PLXDC2: variants seen among roughly 807,000 people sequenced by gnomAD.
PLXDC2 encodes the protein plexin domain-containing protein 2.
PLXDC2 carries 40 observed loss-of-function variants against 68.9 expected under a neutral mutation model. The ratio of observed to expected loss-of-function variants is 0.58; its 90% CI spans 0.45 to 0.76. The LOEUF is 0.76. Ranked by LOEUF, PLXDC2 falls within the 30% of genes least tolerant of loss-of-function variation. The probability of loss-of-function intolerance (pLI) is 0.00; values close to 1 mark genes in which losing one functional copy is unlikely to be tolerated. For synonymous variants in PLXDC2, 243 were observed against 234.2 expected, an observed-to-expected ratio of 1.04 and a Z score of -0.34; for missense variants, 644 against 661.9, an observed-to-expected ratio of 0.97 and a Z score of 0.30.
chr10:19,839,671 A>G (rs1836867645), intron 1 of PLXDC2, among the ~76,000 whole-genome samples: 1 of 151,640 alleles, frequency 6.6e-6, no homozygotes, highest in South Asian at 2.1e-4. Flanking sequence ...TATGAAACAG[A>G]GAATTCTTAG....
In PLXDC2 at chr10:20,287,836, A is replaced by G. The variant is rs922960324; in HGVS notation, c.*8017A>G. On this transcript the variant is annotated 3_prime_UTR_variant, in exon 14 of 14. Coordinates refer to ENST00000377252, the MANE Select transcript of PLXDC2 (RefSeq NM_032812.9). ...AGAGTACATTATTTTCAGGGGAAAAAAAGGAGAGAGTCTTTTTTATATGCC... is the reference window on the plus strand; with the variant it reads ...AGAGTACATTATTTTCAGGGGAAAAGAAGGAGAGAGTCTTTTTTATATGCC... 1.3e-5 allele frequency: 2 copies of G among 151,930 alleles called. No homozygotes were observed. The highest frequency in any genetic ancestry group is 3.9e-4 in the East Asian group (2 of 5,166). 9.4% of individuals were successfully genotyped at this position (151,930 alleles called of 1,614,324 possible).
intron 9 of PLXDC2, among the ~76,000 whole-genome samples, 181 bp downstream of exon 9, chr10:20,177,590 A>C (rs10764210): frequency 0.93 from 141,184 of 152,026 alleles, 65,638 homozygotes; most frequent in Non-Finnish European, 0.95. Context: ...CATAGCAAGA[A>C]CCTGTTTCTA....
intron 9 of PLXDC2, among the ~76,000 whole-genome samples, chr10:20,205,027 A>G (rs971592642): frequency 2.0e-5 from 3 of 152,124 alleles, no homozygotes; most frequent in African/African-American, 4.8e-5. Context: ...ATCTTTTAAC[A>G]TTTACTCTAT....
chr10:20,160,853 A>G (rs546356740), intron 6 of PLXDC2, among the ~76,000 whole-genome samples: 6 of 152,120 alleles, frequency 3.9e-5, no homozygotes, highest in African/African-American at 1.4e-4. Flanking sequence ...TCTGGGCATG[A>G]TGGTGTGCAC....
rs142001150 is a variant in PLXDC2, at chr10:20,126,911, A to T, written c.542-16384A>T. 5.4e-3 allele frequency among the ~76,000 whole-genome samples: 805 copies of T among 147,754 alleles called. 2 individuals carry two copies. Among genetic ancestry groups the T allele is most frequent in the African/African-American group, 0.017 (684 of 40,564 alleles). ...TACTATATAATATATGTATATATGT[A>T]TATATTATGTATGTATATATTATGT... On this transcript the variant is annotated intron_variant, in intron 4 of 13. Coordinates refer to ENST00000377252, the MANE Select transcript of PLXDC2 (RefSeq NM_032812.9).
intron 12 of PLXDC2, among the ~76,000 whole-genome samples, chr10:20,242,605 C>T (rs1390069106): frequency 6.6e-6 from 1 of 152,198 alleles, no homozygotes; most frequent in Non-Finnish European, 1.5e-5. Flanking sequence ...TCCTTCCTCT[C>T]TTTTCCTCCT....
At chr10:20,046,171 T>C (rs1835794329) in intron 2 of PLXDC2, among the ~76,000 whole-genome samples, 1 of 152,092 alleles carries the variant, frequency 6.6e-6, no homozygotes, top group South Asian at 2.1e-4. Context: ...ATACTTTAGG[T>C]TTTTAGTAAA....
chr10:19,840,768 A>C (rs1836889039), intron 1 of PLXDC2, among the ~76,000 whole-genome samples: 1 of 152,102 alleles, frequency 6.6e-6, no homozygotes, highest in Non-Finnish European at 1.5e-5. Context: ...CATATGTGTG[A>C]TATTACGTGA....
At chr10:20,064,175 T>C (rs375923622) in intron 3 of PLXDC2, among the ~76,000 whole-genome samples, 1 of 151,904 alleles carries the variant, frequency 6.6e-6, no homozygotes, top group Non-Finnish European at 1.5e-5. Context: ...GAGCACATAA[T>C]GTTTACACTG....
intron 1 of PLXDC2, among the ~76,000 whole-genome samples, chr10:19,852,263 G>T (rs1837131893): frequency 6.6e-6 from 1 of 151,358 alleles, no homozygotes; most frequent in African/African-American, 2.4e-5. Context: ...AATTAGCCAG[G>T]CATGCTGGCT....
chr10:20,060,531 C>T (rs116112816), intron 3 of PLXDC2, among the ~76,000 whole-genome samples: 2,695 of 148,222 alleles, frequency 0.018, 93 homozygotes, highest in African/African-American at 0.063. Flanking sequence ...CTGGGCTGGT[C>T]GCTGGGCGAG....
At chr10:19,931,323 G>A (rs936748442) in intron 1 of PLXDC2, among the ~76,000 whole-genome samples, 2 of 152,188 alleles carry the variant, frequency 1.3e-5, no homozygotes, top group Non-Finnish European at 2.9e-5. Flanking sequence ...GCTGTGTGGA[G>A]GCGCTGATCT....
At chr10:20,241,347 A>G (rs1298083300) in intron 12 of PLXDC2, among the ~76,000 whole-genome samples, 2 of 152,194 alleles carry the variant, frequency 1.3e-5, no homozygotes, top group African/African-American at 4.8e-5. Context: ...TTATTAAGTG[A>G]AACATGACCC....
intron 2 of PLXDC2, among the ~76,000 whole-genome samples, chr10:20,028,192 G>A (rs985489491): frequency 6.6e-6 from 1 of 152,156 alleles, no homozygotes; most frequent in Non-Finnish European, 1.5e-5. Flanking sequence ...TCTGCACGTT[G>A]GGATCACACT....
intron 10 of PLXDC2, among the ~76,000 whole-genome samples, chr10:20,215,432 G>A (rs1481038300): frequency 6.6e-6 from 1 of 152,084 alleles, no homozygotes; most frequent in East Asian, 1.9e-4. Context: ...TGGAGGGAAA[G>A]CAGTATAATG....
At chr10:20,231,902 A>T (rs1051960461) in intron 12 of PLXDC2, among the ~76,000 whole-genome samples, 1 of 152,020 alleles carries the variant, frequency 6.6e-6, no homozygotes, top group Non-Finnish European at 1.5e-5. Flanking sequence ...CTGTAGTCCC[A>T]GCTATGTGGG....
rs1253088593 is a variant in PLXDC2 at position 20,172,477 on chromosome 10, A to G, written c.884-4522A>G. Among the ~76,000 whole-genome samples the G allele has an allele frequency of 2.0e-5, 3 of 152,232 alleles. No individual in the cohort carries two copies. The East Asian group carries it at 5.8e-4, about 29-fold the overall frequency. ...CTCTGCTGGTTACGATTCTCTCTTTATTCCTTAATTGTTTTTTCTTTTATT... is the reference window on the plus strand; with the variant it reads ...CTCTGCTGGTTACGATTCTCTCTTTGTTCCTTAATTGTTTTTTCTTTTATT... On this transcript the variant is annotated intron_variant, in intron 7 of 13. Transcript: ENST00000377252.
At chr10:20,093,912 C>T (rs1008089953) in intron 4 of PLXDC2, among the ~76,000 whole-genome samples, 3 of 151,842 alleles carry the variant, frequency 2.0e-5, no homozygotes, top group Non-Finnish European at 4.4e-5. Context: ...TGAATTCAGG[C>T]GATCTGCCGG....
At chr10:20,011,833 G>C (rs1460095713) in intron 2 of PLXDC2, among the ~76,000 whole-genome samples, 2 of 152,154 alleles carry the variant, frequency 1.3e-5, no homozygotes, top group African/African-American at 2.4e-5. Context: ...AATCTACTCT[G>C]TCCGTGAACT....
Sources: gnomAD v4.1 joint callset for allele counts (sites outside exome capture counted in the v4.1 genomes callset) on GRCh38, gnomAD v4.1.1 for gene constraint, MANE v1.5 for transcripts, NCBI Gene and HGNC (gene_info 2026-07-23, HGNC 2026-07-21) for gene names.